The following OTUD7A variants were observed in gnomAD, a reference collection of about 807,000 sequenced individuals.
OTUD7A encodes the protein OTU domain-containing protein 7A.
Under a neutral mutation model 65.7 loss-of-function variants are expected in OTUD7A, and 12 were observed. The observed-to-expected ratio is 0.18, with a 90% CI of 0.12 to 0.30. The LOEUF (loss-of-function observed/expected upper bound fraction) is 0.30. OTUD7A is among the 10% of genes least tolerant of loss of function. The probability of loss-of-function intolerance (pLI) is 1.00; values close to 1 mark genes in which losing one functional copy is unlikely to be tolerated. For synonymous variants in OTUD7A, 641 were observed against 586.3 expected (o/e 1.09, Z -1.35); for missense variants, 1,148 against 1,304.8 (o/e 0.88, Z 1.85).
At chr15:31,550,149 T>C (rs1294230233) in intron 5 of OTUD7A, among the ~76,000 whole-genome samples, 1 of 149,374 alleles carries the variant, frequency 6.7e-6, no homozygotes, top group Non-Finnish European at 1.5e-5. Context: ...TATCCTGAGA[T>C]CACGGGAAAC....
At chr15:31,533,666 A>C (rs1887707046) in intron 5 of OTUD7A, among the ~76,000 whole-genome samples, 3 of 152,246 alleles carry the variant, frequency 2.0e-5, no homozygotes, top group Admixed American at 2.0e-4. Context: ...AAATGGCTAA[A>C]GGAAGTTCTC....
At chr15:31,503,557 G>A (rs951860694) in intron 9 of OTUD7A, 134 bp downstream of exon 9, 4 of 1,217,172 alleles carry the variant, frequency 3.3e-6, no homozygotes, top group African/African-American at 3.0e-5. Context: ...AAAGAAACAC[G>A]TCGAGGAGAT....
At chr15:31,491,866 GT>G (rs1470677018) in intron 10 of OTUD7A, among the ~76,000 whole-genome samples, 1 of 151,780 alleles carries the variant, frequency 6.6e-6, no homozygotes, top group Non-Finnish European at 1.5e-5. Flanking sequence ...CATTTTTAAA[GT>G]GCTGAAAGAA....
intron 8 of OTUD7A, among the ~76,000 whole-genome samples, chr15:31,508,250 C>CT (rs1566889858): frequency 6.6e-6 from 1 of 152,102 alleles, no homozygotes; most frequent in Admixed American, 6.5e-5. Context: ...ATAGTGGGTC[C>CT]TTTTTTTCTT....
chr15:31,757,193 G>T (rs1169677606), intron 1 of OTUD7A, among the ~76,000 whole-genome samples: 1 of 152,132 alleles, frequency 6.6e-6, no homozygotes, highest in African/African-American at 2.4e-5. Flanking sequence ...TCCTGGTGCT[G>T]AATCTCCAGG....
chr15:31,862,363 G>A (rs1897764735), intron 1 of OTUD7A, among the ~76,000 whole-genome samples: 1 of 152,302 alleles, frequency 6.6e-6, no homozygotes, highest in African/African-American at 2.4e-5. Context: ...TGAGTGAGAG[G>A]AACTTCACTT....
At chr15:31,726,597 G>C (rs1893896612) in intron 1 of OTUD7A, among the ~76,000 whole-genome samples, 1 of 152,210 alleles carries the variant, frequency 6.6e-6, no homozygotes, top group African/African-American at 2.4e-5. Context: ...TGCAAAGCAA[G>C]AATCAGAACC....
chr15:31,767,625 T>G, intron 1 of OTUD7A: 2 of 787,642 alleles, frequency 2.5e-6, no homozygotes, highest in Admixed American at 1.7e-5. Context: ...TGCAGGTAGA[T>G]CAGAATAAAA....
chr15:31,607,313 C>A (rs577205978), intron 3 of OTUD7A, among the ~76,000 whole-genome samples: 149 of 152,240 alleles, frequency 9.8e-4, no homozygotes, highest in African/African-American at 3.5e-3. Context: ...ACACCCCAGG[C>A]TTTTGGCTGG....
At chr15:31,576,142 C>T (rs1889197163) in intron 3 of OTUD7A, among the ~76,000 whole-genome samples, 1 of 152,176 alleles carries the variant, frequency 6.6e-6, no homozygotes, top group South Asian at 2.1e-4. Context: ...ACCTCCCTCA[C>T]AATTTGCTCA....
At chr15:31,654,990 C>T (rs918399995) in intron 3 of OTUD7A, 106 bp downstream of exon 3, 3 of 1,362,632 alleles carry the variant, frequency 2.2e-6, no homozygotes, top group Non-Finnish European at 2.9e-6. Flanking sequence ...CAAAGCAAAG[C>T]CCACTTAGTG....
At position 31,796,738 on chromosome 15, in the gene OTUD7A, A is replaced by G. The variant is rs561534409; in HGVS notation, c.-100+73769T>C. ...TTATATTTAGACAGAGCTTTCAAAC[A>G]TTCCTCTTTTCTTTGAGACAGAGTC... is the stretch of plus-strand genomic sequence containing the variant. On this transcript the variant is annotated intron_variant, in intron 1 of 12. Transcript: ENST00000307050. Among the ~76,000 whole-genome samples the G allele has an allele frequency of 5.9e-5, 9 of 152,232 alleles. No homozygotes were observed. The South Asian group carries it at 1.7e-3, about 28-fold the overall frequency.
rs1291659588 is a variant in OTUD7A at position 31,681,382 on chromosome 15, T to C, written c.-99-24305A>G. On this transcript the variant is annotated intron_variant, in intron 1 of 12. Transcript: ENST00000307050. ...GTCTATTTGTCAGTATGTCTGTAGG[T>C]CTTTGTGCTATATATCTGTCTATAT... Among the ~76,000 whole-genome samples, 5 of 152,116 alleles carry C rather than the reference T, an allele frequency of 3.3e-5. No homozygotes were observed. The East Asian group carries it at 9.6e-4, about 29-fold the overall frequency.
chr15:31,732,508 T>C (rs1894073244), intron 1 of OTUD7A, among the ~76,000 whole-genome samples: 1 of 152,244 alleles, frequency 6.6e-6, no homozygotes, highest in Non-Finnish European at 1.5e-5. Context: ...ATACAATTCA[T>C]GTTAGAAAGC....
intron 1 of OTUD7A, among the ~76,000 whole-genome samples, chr15:31,823,516 G>A (rs760587287): frequency 9.2e-5 from 14 of 152,174 alleles, no homozygotes; most frequent in South Asian, 4.1e-4. Flanking sequence ...TTTGAGAGTC[G>A]CCATATCTGT....
intron 5 of OTUD7A, among the ~76,000 whole-genome samples, chr15:31,533,380 C>T (rs1887697482): frequency 6.6e-6 from 1 of 151,828 alleles, no homozygotes; most frequent in Non-Finnish European, 1.5e-5. Flanking sequence ...GGGACACAGA[C>T]ATGCACCACC....
intron 1 of OTUD7A, among the ~76,000 whole-genome samples, chr15:31,682,913 G>A (rs764163385): frequency 1.3e-5 from 2 of 152,178 alleles, no homozygotes; most frequent in African/African-American, 2.4e-5. Context: ...GTGCACATTC[G>A]CATAACTGTG....
chr15:31,581,399 C>A (rs1057293207), intron 3 of OTUD7A, among the ~76,000 whole-genome samples: 2 of 152,208 alleles, frequency 1.3e-5, no homozygotes, highest in African/African-American at 4.8e-5. Flanking sequence ...CTGGGCAGTG[C>A]CCCAGTAGGG....
At chr15:31,575,083 G>A (rs1338956246) in intron 3 of OTUD7A, among the ~76,000 whole-genome samples, 3 of 152,142 alleles carry the variant, frequency 2.0e-5, no homozygotes, top group African/African-American at 7.2e-5. Context: ...ATTAAACTCA[G>A]GGGGGAAAAG....
Sources: allele counts gnomAD v4.1 joint callset (sites outside exome capture counted in the v4.1 genomes callset), GRCh38; gene constraint gnomAD v4.1.1; transcripts MANE v1.5; gene names NCBI Gene and HGNC (gene_info 2026-07-23, HGNC 2026-07-21).